TENM1: variants seen among roughly 807,000 people sequenced by gnomAD.
TENM1 encodes teneurin transmembrane protein 1, also known as teneurin-1.
TENM1 carries 35 observed loss-of-function variants against 174.8 expected under a neutral mutation model. The observed-to-expected ratio is 0.20, with a 90% confidence interval of 0.15 to 0.27. The LOEUF is 0.27. Among genes scored for constraint, TENM1 ranks in the 10% least tolerant of loss-of-function variants. The pLI is 1.00. For synonymous variants in TENM1, 781 were observed against 798.7 expected (o/e 0.98, Z 0.37); for missense variants, 1,633 against 2,130.1 (o/e 0.77, Z 4.59).
chrX:124,751,816 T>C (rs937003631), intron 3 of TENM1, among the ~76,000 whole-genome samples: 1 of 109,842 alleles, frequency 9.1e-6, no homozygotes, highest in African/African-American at 3.3e-5. Context: ...ACAAAGGACA[T>C]GAACTCATCA....
chrX:124,461,596 G>C (rs1172932857), intron 22 of TENM1, among the ~76,000 whole-genome samples: 1 of 111,721 alleles, frequency 9.0e-6, no homozygotes, highest in African/African-American at 3.3e-5. Flanking sequence ...ATCATTTGCA[G>C]CAACATGGAT....
At chrX:124,908,555 C>T (rs767880381) in intron 1 of TENM1, among the ~76,000 whole-genome samples, 2 of 111,108 alleles carry the variant, frequency 1.8e-5, no homozygotes, top group African/African-American at 6.5e-5. Flanking sequence ...ACCACATTTT[C>T]GTTATCCAGT....
chrX:124,458,681 T>C (rs1603274770), intron 22 of TENM1, among the ~76,000 whole-genome samples: 1 of 112,339 alleles, frequency 8.9e-6, no homozygotes, highest in East Asian at 2.8e-4. Flanking sequence ...AAGGGCTTCA[T>C]AGTCATTATA....
At chrX:125,117,507 C>T in the TENM1 span, among the ~76,000 whole-genome samples, 1 of 110,334 alleles carries the variant, frequency 9.1e-6, no homozygotes, top group African/African-American at 3.3e-5. Context: ...ACAATGAGAA[C>T]ACATGGACAC....
At chrX:124,858,091 C>A (rs1198900049) in intron 3 of TENM1, among the ~76,000 whole-genome samples, 4 of 111,697 alleles carry the variant, frequency 3.6e-5, no homozygotes, top group Non-Finnish European at 7.5e-5. Flanking sequence ...CCTTACTCTG[C>A]CCACTGATTA....
intron 22 of TENM1, among the ~76,000 whole-genome samples, chrX:124,469,658 A>C (rs1024842161): frequency 5.4e-5 from 6 of 111,274 alleles, no homozygotes; most frequent in African/African-American, 2.0e-4. Flanking sequence ...CAAACTCTAG[A>C]GATGTTAAGA....
At chrX:124,985,325 GAT>G in the TENM1 span, among the ~76,000 whole-genome samples, 1 of 112,281 alleles carries the variant, frequency 8.9e-6, no homozygotes, top group Non-Finnish European at 1.9e-5. Flanking sequence ...CAGAGCACCT[GAT>G]CCTTCAATCT....
At chrX:124,754,908 C>G (rs1217250018) in intron 3 of TENM1, among the ~76,000 whole-genome samples, 8 of 105,827 alleles carry the variant, frequency 7.6e-5, no homozygotes, top group East Asian at 2.9e-4. Context: ...TTACTTCCAA[C>G]TATGTGGTCA....
At chrX:124,398,932 C>A (rs753781401) in intron 27 of TENM1, among the ~76,000 whole-genome samples, 1 of 112,491 alleles carries the variant, frequency 8.9e-6, no homozygotes, top group Non-Finnish European at 1.9e-5. Flanking sequence ...ATCATAATAA[C>A]CTTTGACACA....
At chrX:124,427,042 C>A (rs954130530) in intron 23 of TENM1, among the ~76,000 whole-genome samples, 2 of 111,807 alleles carry the variant, frequency 1.8e-5, no homozygotes, top group Non-Finnish European at 3.8e-5. Context: ...GGAGCATAGT[C>A]CCCCAGGAAA....
intron 11 of TENM1, among the ~76,000 whole-genome samples, chrX:124,603,012 AGAG>A (rs964552219): frequency 2.7e-5 from 3 of 111,425 alleles, no homozygotes; most frequent in African/African-American, 9.8e-5. Flanking sequence ...GGAAAAGGGA[AGAG>A]GAGAAGGCCA....
intron 5 of TENM1, among the ~76,000 whole-genome samples, chrX:124,701,800 T>C (rs2052781970): frequency 1.8e-5 from 2 of 112,033 alleles, no homozygotes; most frequent in African/African-American, 6.5e-5. Flanking sequence ...GAGATAGGAC[T>C]GGTTGGCTGA....
At chrX:125,003,605 A>T in the TENM1 span, among the ~76,000 whole-genome samples, 1 of 111,063 alleles carries the variant, frequency 9.0e-6, no homozygotes, top group Non-Finnish European at 1.9e-5. Context: ...AGAAGCCTCA[A>T]CCTCATGGCT....
the TENM1 span, among the ~76,000 whole-genome samples, chrX:125,054,530 G>A: frequency 9.0e-6 from 1 of 110,542 alleles, no homozygotes; most frequent in Non-Finnish European, 1.9e-5. Flanking sequence ...AGTGCAGTCA[G>A]TTTAAAAAAA....
chrX:124,979,025 C>T, the TENM1 span, among the ~76,000 whole-genome samples: 2 of 112,249 alleles, frequency 1.8e-5, no homozygotes, highest in Non-Finnish European at 3.8e-5. Flanking sequence ...CCAACAATGG[C>T]ACTGGGTGTG....
chrX:124,641,935 G>A, exon 11 of TENM1: 1 of 1,211,501 alleles, frequency 8.3e-7, no homozygotes, highest in South Asian at 1.8e-5. Context: ...GTAGAACAGT[G>A]ACATTCTCCT....
At chrX:124,848,333 T>C (rs1403054812) in intron 3 of TENM1, among the ~76,000 whole-genome samples, 1 of 110,855 alleles carries the variant, frequency 9.0e-6, no homozygotes, top group Admixed American at 9.6e-5. Flanking sequence ...CCCCTGTCAA[T>C]AGTTTCCAGG....
chrX:124,641,969 A>G, exon 11 of TENM1: 1 of 1,211,774 alleles, frequency 8.3e-7, no homozygotes, highest in East Asian at 3.0e-5. Context: ...CATGGTTGGA[A>G]CACATTGGGT....
chrX:124,707,401 A>G (rs1306882440), intron 4 of TENM1, among the ~76,000 whole-genome samples: 1 of 111,600 alleles, frequency 9.0e-6, no homozygotes, highest in Non-Finnish European at 1.9e-5. Context: ...CAGGAATAAT[A>G]TAGTGTGGTT....
Sources: allele counts gnomAD v4.1 joint callset (sites outside exome capture counted in the v4.1 genomes callset), GRCh38; gene constraint gnomAD v4.1.1; transcripts MANE v1.5; gene names NCBI Gene and HGNC (gene_info 2026-07-23, HGNC 2026-07-21).